Variants in RGSL1 observed in about 807,000 individuals in gnomAD.
RGSL1 encodes regulator of G protein signaling protein-like.
RGSL1 carries 97 observed loss-of-function variants against 124.7 expected under a neutral mutation model. The ratio of observed to expected loss-of-function variants is 0.78; its 90% CI spans 0.66 to 0.92. RGSL1 has a LOEUF of 0.92. Among genes scored for constraint, RGSL1 ranks in the 40% least tolerant of loss-of-function variants. The pLI, the probability that RGSL1 is intolerant of heterozygous loss-of-function variation, is 0.00. For missense variants in RGSL1, 1,233 were observed against 1,288.4 expected, an observed-to-expected ratio of 0.96 and a Z score of 0.66; for synonymous variants, 424 against 438.1, an observed-to-expected ratio of 0.97 and a Z score of 0.40.
At position 182,548,378 on chromosome 1, in the gene RGSL1, G is replaced by T. The variant is rs1476567099; in HGVS notation, c.2731G>T (p.Asp911Tyr). The T allele has an allele frequency of 6.4e-7, 1 of 1,551,848 alleles. No individual in the cohort carries two copies. Among genetic ancestry groups the T allele is most frequent in the Admixed American group, 2.0e-5 (1 of 50,976 alleles). ...LQVNRAYNEN[D>Y]VILMRSKMNI... ...GGTCAACCGGGCATATAATGAGAATGATGTGATCCTAATGCGGTCCAAAAT... is the reference window on the plus strand; with the variant it reads ...GGTCAACCGGGCATATAATGAGAATTATGTGATCCTAATGCGGTCCAAAAT... The change falls in exon 16 of 22, where the codon GAT (aspartate) becomes TAT (tyrosine). Residue 911 changes from aspartate (D) to tyrosine (Y), a missense_variant. Asp to Tyr is a radical substitution (Grantham distance 160). Transcript: ENST00000294854.
chr1:182,463,436 C>T (rs1653018029), intron 4 of RGSL1, among the ~76,000 whole-genome samples: 1 of 151,782 alleles, frequency 6.6e-6, no homozygotes, highest in African/African-American at 2.4e-5. Flanking sequence ...GAGTCAAAGA[C>T]ATAGATTGAA....
At chr1:182,532,373 C>T (rs77679725) in intron 13 of RGSL1, among the ~76,000 whole-genome samples, 8,985 of 152,192 alleles carry the variant, frequency 0.059, 380 homozygotes, top group South Asian at 0.18. Flanking sequence ...CTCCCAATCA[C>T]GGCATCTCAC....
At chr1:182,527,117 GAA>G (rs1005076965) in intron 10 of RGSL1, among the ~76,000 whole-genome samples, 2 of 152,044 alleles carry the variant, frequency 1.3e-5, no homozygotes, top group African/African-American at 2.4e-5. Context: ...GATTACCCAG[GAA>G]AAACCATAAG....
intron 6 of RGSL1, among the ~76,000 whole-genome samples, chr1:182,485,641 T>C (rs1159886804): frequency 1.3e-5 from 2 of 152,186 alleles, no homozygotes; most frequent in African/African-American, 4.8e-5. Context: ...GTACAGCTGA[T>C]GGGCCAAATT....
chr1:182,518,909 CT>C (rs1213548754), intron 9 of RGSL1, among the ~76,000 whole-genome samples: 1 of 151,940 alleles, frequency 6.6e-6, no homozygotes, highest in Non-Finnish European at 1.5e-5. Flanking sequence ...AGCCAGCATC[CT>C]TCCATGCTGC....
intron 4 of RGSL1, chr1:182,471,362 T>C (rs1653823596): frequency 6.6e-6 from 3 of 457,550 alleles, no homozygotes; most frequent in Non-Finnish European, 1.3e-5. Flanking sequence ...GTGGCGCTTC[T>C]ATTCCTACCT....
chr1:182,530,282 A>G lies in RGSL1; in HGVS notation c.2164A>G (p.Ile722Val). Residue 722 changes from isoleucine (I) to valine (V), a missense_variant, in exon 12 of 22, where the codon ATC (isoleucine) becomes GTC (valine). Transcript: ENST00000294854. The stretch of plus-strand genomic sequence containing the variant: ...GTGTGATGCCCCTATTATCAAAGAA[A>G]TCGCTTCCATGCGTCATGTCACCAC... ...LQCDAPIIKE[I>V]ASMRHVTTST... 6.4e-7 allele frequency: 1 copy of G among 1,551,080 alleles called. No homozygotes were observed. Among genetic ancestry groups the G allele is most frequent in the Non-Finnish European group, 8.7e-7 (1 of 1,146,560 alleles).
At chr1:182,464,986 G>A (rs925555257) in intron 4 of RGSL1, among the ~76,000 whole-genome samples, 5 of 150,948 alleles carry the variant, frequency 3.3e-5, no homozygotes, top group Non-Finnish European at 7.4e-5. Flanking sequence ...TGAGGAACGA[G>A]GATTGCTTGA....
chr1:182,559,240 A>G (rs1661035303), intron 21 of RGSL1, among the ~76,000 whole-genome samples: 1 of 152,166 alleles, frequency 6.6e-6, no homozygotes, highest in African/African-American at 2.4e-5. Context: ...TGCAAATTTA[A>G]TCCATTCTAA....
At chr1:182,536,653 A>G (rs1659560580) in intron 14 of RGSL1, among the ~76,000 whole-genome samples, 1 of 152,178 alleles carries the variant, frequency 6.6e-6, no homozygotes, top group South Asian at 2.1e-4. Flanking sequence ...GTTTTAACGG[A>G]CTCACAGTTC....
intron 9 of RGSL1, among the ~76,000 whole-genome samples, chr1:182,520,326 C>T (rs1326644932): frequency 1.3e-5 from 2 of 152,132 alleles, no homozygotes; most frequent in Non-Finnish European, 2.9e-5. Context: ...TTATCAGGGC[C>T]TCTTCTCCTT....
chr1:182,452,199 G>T (rs538239875), intron 1 of RGSL1, among the ~76,000 whole-genome samples: 2 of 152,164 alleles, frequency 1.3e-5, no homozygotes, highest in Non-Finnish European at 2.9e-5. Flanking sequence ...TATGCATGTA[G>T]AGCTGGCCCA....
chr1:182,454,139 G>A (rs1378578459), intron 2 of RGSL1, 99 bp downstream of exon 2: 1 of 715,896 alleles, frequency 1.4e-6, no homozygotes, highest in African/African-American at 1.8e-5. Context: ...TTGTTATTTG[G>A]GGTTTTACTA....
chr1:182,538,427 C>T (rs1247701540), intron 14 of RGSL1, among the ~76,000 whole-genome samples: 1 of 151,954 alleles, frequency 6.6e-6, no homozygotes, highest in Non-Finnish European at 1.5e-5. Context: ...ACTCAGGAGG[C>T]TGAGAAAGGA....
rs879388536 is a variant in RGSL1 at position 182,512,372 on chromosome 1, C to T, written c.1826-9632C>T. The stretch of plus-strand genomic sequence containing the variant: ...CTTGTATGGAATATCTTTTTCCATC[C>T]CCCCACTTTCAGTCTGTATATGTGA... On this transcript the variant is annotated intron_variant, in intron 9 of 21. Transcript: ENST00000294854. Among the ~76,000 whole-genome samples, 10 of 152,024 alleles carry T rather than the reference C, an allele frequency of 6.6e-5. No homozygotes were observed. In the South Asian group the frequency reaches 1.0e-3, roughly 16 times the overall value.
intron 9 of RGSL1, among the ~76,000 whole-genome samples, chr1:182,503,614 T>G (rs1571589463): frequency 6.7e-6 from 1 of 149,626 alleles, no homozygotes; most frequent in African/African-American, 2.4e-5. Flanking sequence ...GTGGGTTGTG[T>G]AGGGTGGTGA....
chr1:182,456,588 A>G (rs756956098), intron 2 of RGSL1, among the ~76,000 whole-genome samples: 5 of 152,126 alleles, frequency 3.3e-5, no homozygotes, highest in Non-Finnish European at 7.4e-5. Context: ...GTAAGCCTCC[A>G]CGCCTGGCCG....
chr1:182,483,238 G>C (rs1268834431), intron 6 of RGSL1, among the ~76,000 whole-genome samples: 1 of 151,876 alleles, frequency 6.6e-6, no homozygotes, highest in Non-Finnish European at 1.5e-5. Context: ...AATAGGTCTT[G>C]TGTTAAGTGT....
At position 182,512,580 on chromosome 1, in the gene RGSL1, G is replaced by A. The variant is rs564456307; in HGVS notation, c.1826-9424G>A. 2.8e-4 allele frequency among the ~76,000 whole-genome samples: 43 copies of A among 152,208 alleles called. 1 individual carries two copies. The highest frequency in any genetic ancestry group is 9.6e-4 in the African/African-American group (40 of 41,510). On this transcript the variant is annotated intron_variant, in intron 9 of 21. Transcript: ENST00000294854. ...GTAGCTTCTACAGGTGGGTGCCTGT[G>A]ATTCTCAAAGCCCCAGTGTGTGTGC...
Sources: gnomAD v4.1 joint callset for allele counts (sites outside exome capture counted in the v4.1 genomes callset) on GRCh38, gnomAD v4.1.1 for gene constraint, MANE v1.5 for transcripts, NCBI Gene and HGNC (gene_info 2026-07-23, HGNC 2026-07-21) for gene names.